GPHN: variants seen among roughly 807,000 people sequenced by gnomAD.
GPHN encodes the protein gephyrin.
A neutral mutation model predicts 95.5 loss-of-function variants in GPHN; 17 were observed. That is an observed-to-expected ratio of 0.18 (90% confidence interval 0.12 to 0.27). GPHN has a LOEUF of 0.27. Among genes scored for constraint, GPHN ranks in the 10% least tolerant of loss-of-function variants. The pLI, the probability that GPHN is intolerant of heterozygous loss-of-function variation, is 1.00. For missense variants in GPHN, 660 were observed against 978.1 expected, an observed-to-expected ratio of 0.67 and a Z score of 4.34; for synonymous variants, 320 against 322.5, an observed-to-expected ratio of 0.99 and a Z score of 0.08.
chr14:66,590,389 T>A (rs933429754), intron 1 of GPHN, among the ~76,000 whole-genome samples: 4 of 151,856 alleles, frequency 2.6e-5, no homozygotes, highest in African/African-American at 9.7e-5. Context: ...TTGAAAAGAT[T>A]AACAAAATAG....
intron 1 of GPHN, among the ~76,000 whole-genome samples, chr14:66,626,520 T>C (rs2063534410): frequency 6.6e-6 from 1 of 152,094 alleles, no homozygotes; most frequent in Admixed American, 6.5e-5. Flanking sequence ...AGAAAGAAGA[T>C]AACTTAATAT....
chr14:67,392,893 C>T, the GPHN span: 17 of 1,512,030 alleles, frequency 1.1e-5, no homozygotes, highest in African/African-American at 4.1e-5. Flanking sequence ...GATGGACCAG[C>T]GTCCTTGGGG....
intron 11 of GPHN, among the ~76,000 whole-genome samples, chr14:67,071,330 G>A (rs1303262978): frequency 6.6e-6 from 1 of 152,178 alleles, no homozygotes; most frequent in Non-Finnish European, 1.5e-5. Context: ...CATGTTCTTT[G>A]TAGGGACATG....
At chr14:67,573,292 C>T in the GPHN span, 16 of 1,612,040 alleles carry the variant, frequency 9.9e-6, no homozygotes, top group South Asian at 1.2e-4. The surrounding 1 kb of genome is among the most constrained non-coding windows in gnomAD (Gnocchi z 4.8). Flanking sequence ...CTGGAGAAGT[C>T]GGGCTACCTG....
rs1227356261 is a variant in GPHN at position 66,845,010 on chromosome 14, C to A, written c.294+20444C>A. Reference sequence around the variant, plus strand: ...TCAGTGTCTAGCTTATTTCACTTAGCAAAATGTTTTCAGGGTTCATTTATA... The same window carrying A: ...TCAGTGTCTAGCTTATTTCACTTAGAAAAATGTTTTCAGGGTTCATTTATA... On this transcript the variant is annotated intron_variant, in intron 4 of 22. Transcript: ENST00000478722. Among the ~76,000 whole-genome samples the A allele has an allele frequency of 2.0e-5, 3 of 152,136 alleles. No homozygotes were observed. The East Asian group carries it at 5.8e-4, about 29-fold the overall frequency.
intron 2 of GPHN, among the ~76,000 whole-genome samples, chr14:66,685,938 C>G (rs1454330361): frequency 4.6e-5 from 7 of 152,186 alleles, no homozygotes; most frequent in Admixed American, 1.3e-4. Flanking sequence ...GTGTAAGGAA[C>G]GGATCCAGTT....
chr14:67,394,019 A>T, the GPHN span, among the ~76,000 whole-genome samples: 27,555 of 151,984 alleles, frequency 0.18, 4,315 homozygotes, highest in East Asian at 0.49. Context: ...AGAAACTGGA[A>T]TTGTCAGCCT....
the GPHN span, among the ~76,000 whole-genome samples, chr14:67,260,509 T>C: frequency 9.8e-5 from 15 of 152,308 alleles, no homozygotes; most frequent in African/African-American, 3.6e-4. Flanking sequence ...GATTTCAAGG[T>C]AGACAATAAA....
At chr14:66,769,336 A>AT (rs1456762098) in intron 2 of GPHN, among the ~76,000 whole-genome samples, 3 of 151,922 alleles carry the variant, frequency 2.0e-5, no homozygotes, top group Non-Finnish European at 4.4e-5. Flanking sequence ...TTTAACTTTT[A>AT]TTTTATGTTC....
downstream of GPHN, among the ~76,000 whole-genome samples, chr14:67,186,021 A>G (rs749661350): frequency 6.6e-6 from 1 of 152,248 alleles, no homozygotes; most frequent in East Asian, 1.9e-4. Context: ...TACAGAATTC[A>G]TCAATAACTT....
chr14:67,070,694 C>CAAA (rs34577444), intron 11 of GPHN, among the ~76,000 whole-genome samples: 11 of 64,380 alleles, frequency 1.7e-4, no homozygotes, highest in South Asian at 5.8e-4. Context: ...GACTTCATCT[C>CAAA]AAAAAAAAAA....
At chr14:67,578,860 ACT>A in the GPHN span, among the ~76,000 whole-genome samples, 5 of 152,020 alleles carry the variant, frequency 3.3e-5, no homozygotes, top group Admixed American at 1.3e-4. This position sits in a 1 kb window ranked among gnomAD's most constrained non-coding sequence, Gnocchi z 5.0. Context: ...TACTGTGGCA[ACT>A]CTCACATGAA....
At chr14:67,097,840 T>G in intron 12 of GPHN, among the ~76,000 whole-genome samples, 1 of 139,364 alleles carries the variant, frequency 7.2e-6, no homozygotes. Context: ...ATTAAATATA[T>G]TATACATCAA....
chr14:67,564,960 G>C, the GPHN span, among the ~76,000 whole-genome samples: 1 of 152,062 alleles, frequency 6.6e-6, no homozygotes. Flanking sequence ...CAAAGTGCTG[G>C]GATTACGGGT....
At chr14:67,509,038 A>G in the GPHN span, among the ~76,000 whole-genome samples, 6 of 152,158 alleles carry the variant, frequency 3.9e-5, no homozygotes, top group African/African-American at 1.4e-4. Context: ...ATAAGCTTCT[A>G]TGACTAGTGG....
At chr14:66,868,629 A>C (rs970335825) in intron 4 of GPHN, among the ~76,000 whole-genome samples, 2 of 152,088 alleles carry the variant, frequency 1.3e-5, no homozygotes, top group Non-Finnish European at 2.9e-5. Context: ...CCTGACCTCA[A>C]GTGATCCGCC....
At chr14:67,254,034 C>G in the GPHN span, among the ~76,000 whole-genome samples, 24 of 143,390 alleles carry the variant, frequency 1.7e-4, no homozygotes, top group Non-Finnish European at 2.7e-4. Flanking sequence ...ATCCCCCCCC[C>G]CTTACAAGTT....
chr14:66,958,398 T>C lies in GPHN; in HGVS notation c.829-6793T>C, dbSNP rs193138564. Among the ~76,000 whole-genome samples, 24 of 152,290 alleles carry C rather than the reference T, an allele frequency of 1.6e-4. No homozygotes were observed. In the East Asian group the frequency reaches 4.6e-3, roughly 29 times the overall value. On this transcript the variant is annotated intron_variant, in intron 8 of 22. Coordinates refer to ENST00000478722, the MANE Select transcript of GPHN (RefSeq NM_020806.5). ...GGATCTAATTTGAATCTCTTGTAGA[T>C]AGCATAGACAATCATACTCCACTTA...
intron 11 of GPHN, among the ~76,000 whole-genome samples, chr14:67,077,727 C>G (rs752532097): frequency 1.3e-5 from 2 of 152,162 alleles, no homozygotes; most frequent in African/African-American, 2.4e-5. Context: ...TCATTAATCA[C>G]TGTTATCATA....
Sources: gnomAD v4.1 joint callset for allele counts (sites outside exome capture counted in the v4.1 genomes callset) on GRCh38, gnomAD v4.1.1 for gene constraint, Gnocchi (gnomAD v3.1) non-coding constraint, MANE v1.5 for transcripts, NCBI Gene and HGNC (gene_info 2026-07-23, HGNC 2026-07-21) for gene names.